TTC27: variants seen among roughly 807,000 people sequenced by gnomAD.
TTC27 encodes tetratricopeptide repeat protein 27.
TTC27 carries 79 observed loss-of-function variants against 115.9 expected under a neutral mutation model. The observed-to-expected ratio is 0.68, with a 90% CI of 0.57 to 0.82. The LOEUF (loss-of-function observed/expected upper bound fraction) is 0.82. TTC27 is among the 40% of genes least tolerant of loss of function. TTC27 has a pLI of 0.00. For missense variants in TTC27, 1,054 were observed against 993.1 expected (o/e 1.06, Z -0.82); for synonymous variants, 401 against 356.0 (o/e 1.13, Z -1.42).
At chr2:32,800,108 A>C (rs1228132395) in intron 16 of TTC27, among the ~76,000 whole-genome samples, 1 of 152,244 alleles carries the variant, frequency 6.6e-6, no homozygotes, top group African/African-American at 2.4e-5. Context: ...ATAAGTTAAT[A>C]GACTATTAAG....
intron 18 of TTC27, among the ~76,000 whole-genome samples, chr2:32,814,014 A>T (rs1262607992): frequency 1.3e-5 from 2 of 152,118 alleles, no homozygotes; most frequent in African/African-American, 4.8e-5. Flanking sequence ...GTCTTTGTGG[A>T]TATTGTATGA....
Position 32,663,636 on chromosome 2 carries a change from TTATGTATGTATGTATGTATGTATG to T in TTC27, c.641-643_641-620del, listed in dbSNP as rs70938357. On this transcript the variant is annotated intron_variant, in intron 5 of 19. Coordinates refer to ENST00000317907, the MANE Select transcript of TTC27 (RefSeq NM_017735.5). ...GGCCATCTTGACAGCCACCCCCTAT[TTATGTATGTATGTATGTATGTATG>T]TATGTATGTATGTATGTATGTATTT... Among the ~76,000 whole-genome samples the T allele has an allele frequency of 1.4e-4, 20 of 146,506 alleles. No individual in the cohort carries two copies. In the East Asian group the frequency reaches 2.6e-3, roughly 19 times the overall value.
chr2:32,628,459 C>T (rs749515426), intron 1 of TTC27, 79 bp downstream of exon 1: 48 of 1,339,976 alleles, frequency 3.6e-5, no homozygotes, highest in Admixed American at 6.0e-5. Flanking sequence ...ATTCTCATCC[C>T]TCCCTTCATT....
chr2:32,670,888 G>A (rs1057225525), intron 7 of TTC27, among the ~76,000 whole-genome samples: 1 of 149,232 alleles, frequency 6.7e-6, no homozygotes, highest in African/African-American at 2.4e-5. Context: ...TAAAGTGCTG[G>A]TATTACAGGC....
At chr2:32,689,975 A>AT (rs1386925133) in intron 9 of TTC27, among the ~76,000 whole-genome samples, 1 of 152,180 alleles carries the variant, frequency 6.6e-6, no homozygotes, top group African/African-American at 2.4e-5. Context: ...AAGGTAAACT[A>AT]TTGGTCATGT....
At chr2:32,717,737 A>C (rs1183008939) in intron 10 of TTC27, among the ~76,000 whole-genome samples, 11 of 152,136 alleles carry the variant, frequency 7.2e-5, no homozygotes, top group Non-Finnish European at 1.5e-5. Context: ...CTGTCATCCA[A>C]GTTTGCTAAT....
intron 16 of TTC27, among the ~76,000 whole-genome samples, chr2:32,795,670 A>G (rs940504861): frequency 4.6e-5 from 7 of 150,558 alleles, no homozygotes. Context: ...CTCCTGTGTT[A>G]GCCTCCCAAG....
At chr2:32,747,328 A>G (rs1199856939) in intron 12 of TTC27, among the ~76,000 whole-genome samples, 1 of 152,204 alleles carries the variant, frequency 6.6e-6, no homozygotes, top group Non-Finnish European at 1.5e-5. Flanking sequence ...GTAAGTTGAA[A>G]ATAATTGTAA....
At chr2:32,758,986 AT>A (rs1209322403) in intron 13 of TTC27, among the ~76,000 whole-genome samples, 1 of 152,232 alleles carries the variant, frequency 6.6e-6, no homozygotes, top group African/African-American at 2.4e-5. Context: ...ACACAAATAC[AT>A]TTAAATGTTT....
intron 5 of TTC27, among the ~76,000 whole-genome samples, chr2:32,652,049 A>G (rs958892673): frequency 6.6e-6 from 1 of 152,126 alleles, no homozygotes; most frequent in Non-Finnish European, 1.5e-5. Context: ...TCTCATACCA[A>G]TATCCTTGTA....
chr2:32,713,582 C>G (rs1294847625), intron 10 of TTC27, among the ~76,000 whole-genome samples: 1 of 152,142 alleles, frequency 6.6e-6, no homozygotes, highest in African/African-American at 2.4e-5. Context: ...AGATATTTGT[C>G]CAACAGGAAT....
rs560251716 is a variant in TTC27, at chr2:32,640,298, G to C, written c.425G>C (p.Ser142Thr). Reference sequence around the variant, plus strand: ...AAAGGACTGGATGCATTTGTTCTGAGCCTGCTCACTCTAGATGGTGAATCA... The same window carrying C: ...AAAGGACTGGATGCATTTGTTCTGACCCTGCTCACTCTAGATGGTGAATCA... ...EVKGLDAFVLSLLTLDGESIY... is the reference protein window; with the variant it reads ...EVKGLDAFVLTLLTLDGESIY... Residue 142 changes from serine to threonine, a missense_variant, in exon 4 of 20, where the codon AGC becomes ACC. Ser to Thr is a moderately conservative substitution (Grantham distance 58). Transcript: ENST00000317907. 1 of 1,613,982 alleles carries C rather than the reference G, an allele frequency of 6.2e-7. No individual in the cohort carries two copies. The highest frequency in any genetic ancestry group is 1.7e-5 in the Admixed American group (1 of 60,002).
chr2:32,636,854 A>G (rs1243514430), intron 3 of TTC27, among the ~76,000 whole-genome samples: 1 of 152,230 alleles, frequency 6.6e-6, no homozygotes, highest in Non-Finnish European at 1.5e-5. Flanking sequence ...GGATGGTTAG[A>G]AAATGGATAG....
At chr2:32,719,421 A>G (rs1474627011) in intron 10 of TTC27, among the ~76,000 whole-genome samples, 1 of 152,212 alleles carries the variant, frequency 6.6e-6, no homozygotes, top group Non-Finnish European at 1.5e-5. Context: ...GGAAACTTAT[A>G]TTAGCTCTGC....
At chr2:32,748,937 C>G (rs890242017) in intron 12 of TTC27, among the ~76,000 whole-genome samples, 27 of 152,258 alleles carry the variant, frequency 1.8e-4, no homozygotes, top group African/African-American at 6.0e-4. Context: ...ATCTGCCCGC[C>G]TCAGCTTCCC....
At chr2:32,687,965 A>G (rs535971408) in intron 9 of TTC27, among the ~76,000 whole-genome samples, 4 of 152,346 alleles carry the variant, frequency 2.6e-5, no homozygotes, top group South Asian at 4.1e-4. Context: ...ATTGATGTTT[A>G]TGGAATACAC....
chr2:32,737,107 T>A (rs951447148), intron 12 of TTC27, among the ~76,000 whole-genome samples: 1 of 152,212 alleles, frequency 6.6e-6, no homozygotes, highest in Non-Finnish European at 1.5e-5. Context: ...ATCATTTTAA[T>A]GATCACTGGG....
Position 32,820,875 on chromosome 2 carries a change from A to C in TTC27, c.2469A>C (p.Thr823=), listed in dbSNP as rs189378569. Residue 823 remains threonine, a synonymous_variant, in exon 20 of 20, where the codon ACA becomes ACC. Coordinates refer to ENST00000317907, the MANE Select transcript of TTC27 (RefSeq NM_017735.5). ...CCAGGGAATTAGCTGATGACATAAC[A>C]GCTATGGACACCTTAGTGACAGAGC... The part of the protein sequence containing the change: ...EMSRELADDI[T]AMDTLVTELQ... 38 of 1,544,682 alleles carry C rather than the reference A, an allele frequency of 2.5e-5. No homozygotes were observed. The Admixed American group carries it at 3.9e-4, about 16-fold the overall frequency.
chr2:32,809,005 A>T (rs746801457), intron 16 of TTC27, among the ~76,000 whole-genome samples: 3 of 152,228 alleles, frequency 2.0e-5, no homozygotes, highest in Non-Finnish European at 2.9e-5. Flanking sequence ...TCAAAGGTAC[A>T]CATGTGGGAT....
Sources: gnomAD v4.1 joint callset for allele counts (sites outside exome capture counted in the v4.1 genomes callset) on GRCh38, gnomAD v4.1.1 for gene constraint, MANE v1.5 for transcripts, NCBI Gene and HGNC (gene_info 2026-07-23, HGNC 2026-07-21) for gene names.